The following ANO10 variants were observed in gnomAD, a reference collection of about 807,000 sequenced individuals.
The protein encoded by ANO10 is anoctamin 10, also known as anoctamin-10.
ANO10 carries 77 observed loss-of-function variants against 74.7 expected under a neutral mutation model. That is an observed-to-expected ratio of 1.03 (90% CI 0.86 to 1.25). ANO10 has a LOEUF of 1.25. Ranked by LOEUF, ANO10 falls within the 50% of genes most tolerant of loss-of-function variation. The pLI, the probability that ANO10 is intolerant of heterozygous loss-of-function variation, is 0.00. For missense variants in ANO10, 721 were observed against 778.1 expected, an observed-to-expected ratio of 0.93 and a Z score of 0.87; for synonymous variants, 279 against 284.9, an observed-to-expected ratio of 0.98 and a Z score of 0.21.
rs1260815844 is a variant in ANO10, at chr3:43,399,710, T to C, written c.1915-32736A>G. Among the ~76,000 whole-genome samples the C allele has an allele frequency of 2.0e-5, 3 of 152,304 alleles. No individual in the cohort carries two copies. The East Asian group carries it at 5.8e-4, about 29-fold the overall frequency. ...AGTCAATGTTTGTATTTAGGGCATATGAGCAAGTGGCAGGCAAATTATCTG... is the reference window on the plus strand; with the variant it reads ...AGTCAATGTTTGTATTTAGGGCATACGAGCAAGTGGCAGGCAAATTATCTG... On this transcript the variant is annotated intron_variant, in intron 12 of 12. Coordinates refer to ENST00000292246, the MANE Select transcript of ANO10 (RefSeq NM_018075.5).
At chr3:43,684,255 C>T (rs1179463493) in intron 1 of ANO10, among the ~76,000 whole-genome samples, 2 of 152,112 alleles carry the variant, frequency 1.3e-5, no homozygotes, top group Non-Finnish European at 2.9e-5. Context: ...ACAACCCCAT[C>T]AAAAAGTGGG....
chr3:43,487,200 T>G (rs1474842062), intron 11 of ANO10, among the ~76,000 whole-genome samples: 10 of 151,040 alleles, frequency 6.6e-5, no homozygotes, highest in African/African-American at 1.7e-4. Flanking sequence ...GCTGGATTCG[T>G]TTTGCCAGTA....
intron 12 of ANO10, among the ~76,000 whole-genome samples, chr3:43,415,533 C>G (rs2092724735): frequency 6.7e-6 from 1 of 149,568 alleles, no homozygotes; most frequent in African/African-American, 2.5e-5. Context: ...CTTATTTTTT[C>G]TTTCTTTCTT....
At chr3:43,420,979 T>C (rs989553133) in intron 12 of ANO10, among the ~76,000 whole-genome samples, 1 of 152,206 alleles carries the variant, frequency 6.6e-6, no homozygotes, top group East Asian at 1.9e-4. Flanking sequence ...TCCCAGCACT[T>C]TGGGAGGCCA....
intron 11 of ANO10, among the ~76,000 whole-genome samples, chr3:43,440,466 T>A (rs1193347592): frequency 6.6e-6 from 1 of 152,044 alleles, no homozygotes; most frequent in African/African-American, 2.4e-5. Flanking sequence ...AATGAGGATA[T>A]TATGTAAAAA....
chr3:43,625,442 C>T (rs2083482769), upstream of ANO10, among the ~76,000 whole-genome samples: 1 of 152,224 alleles, frequency 6.6e-6, no homozygotes, highest in African/African-American at 2.4e-5. Flanking sequence ...ATTTACTTTT[C>T]AGAGTCCTTG....
chr3:43,647,160 T>TGTGTG (rs1339152351), intron 1 of ANO10, among the ~76,000 whole-genome samples: 1 of 147,734 alleles, frequency 6.8e-6, no homozygotes, highest in Non-Finnish European at 1.5e-5. Context: ...TATATGTGTG[T>TGTGTG]GTGTGTGTGT....
chr3:43,611,105 T>C (rs545102813), intron 1 of ANO10, among the ~76,000 whole-genome samples: 13 of 152,302 alleles, frequency 8.5e-5, no homozygotes, highest in South Asian at 2.1e-4. Flanking sequence ...TTCCACACAG[T>C]TGGAGTTAGG....
chr3:43,388,090 T>C (rs2092175912), intron 12 of ANO10, among the ~76,000 whole-genome samples: 1 of 152,188 alleles, frequency 6.6e-6, no homozygotes, highest in African/African-American at 2.4e-5. Context: ...ATGTGCACTC[T>C]AGGTTTTTGA....
intron 11 of ANO10, among the ~76,000 whole-genome samples, chr3:43,489,476 T>A (rs1427498898): frequency 6.6e-6 from 1 of 152,116 alleles, no homozygotes; most frequent in Non-Finnish European, 1.5e-5. Context: ...GTTAAATAAA[T>A]CCGCCTTTTC....
chr3:43,477,570 G>A (rs1053775591), intron 11 of ANO10, among the ~76,000 whole-genome samples: 5 of 152,154 alleles, frequency 3.3e-5, no homozygotes, highest in African/African-American at 1.2e-4. Context: ...AACAATCTGA[G>A]CACAGATCTA....
intron 1 of ANO10, among the ~76,000 whole-genome samples, chr3:43,643,494 G>T (rs540419662): frequency 6.6e-6 from 1 of 151,744 alleles, no homozygotes; most frequent in Non-Finnish European, 1.5e-5. Context: ...GGATCCAGAA[G>T]AATTCTAATT....
chr3:43,523,340 A>C (rs1344776751), intron 11 of ANO10, among the ~76,000 whole-genome samples: 1 of 152,138 alleles, frequency 6.6e-6, no homozygotes, highest in African/African-American at 2.4e-5. Flanking sequence ...ACTACACTAA[A>C]ATCTGGGCTT....
intron 11 of ANO10, among the ~76,000 whole-genome samples, chr3:43,466,378 A>G (rs1186113516): frequency 2.2e-5 from 2 of 90,702 alleles, no homozygotes; most frequent in Admixed American, 2.5e-4. Context: ...TCAAAAAAAA[A>G]AAAAAAAAAC....
chr3:43,461,548 C>A (rs137937045), intron 11 of ANO10, among the ~76,000 whole-genome samples: 4 of 152,238 alleles, frequency 2.6e-5, no homozygotes, highest in African/African-American at 9.6e-5. Context: ...CAAGTCATCC[C>A]TGTGGTGTTC....
chr3:43,552,697 GATATATATATATATATATAT>G (rs57438732), intron 10 of ANO10, among the ~76,000 whole-genome samples: 1,350 of 124,492 alleles, frequency 0.011, 41 homozygotes, highest in African/African-American at 0.038. Flanking sequence ...ATTATCTCTG[GATATATATATATATATATAT>G]ATATATATAT....
At chr3:43,645,957 A>G (rs936596679) in intron 1 of ANO10, among the ~76,000 whole-genome samples, 1 of 152,082 alleles carries the variant, frequency 6.6e-6, no homozygotes, top group African/African-American at 2.4e-5. Flanking sequence ...GCAGGCACGC[A>G]CCACCACACC....
At chr3:43,628,717 C>G (rs1176270374) in intron 1 of ANO10, among the ~76,000 whole-genome samples, 1 of 152,082 alleles carries the variant, frequency 6.6e-6, no homozygotes, top group Non-Finnish European at 1.5e-5. Flanking sequence ...AGATGGCCCC[C>G]CCGGGTGTGG....
At chr3:43,563,912 G>A (rs1479719265) in intron 8 of ANO10, among the ~76,000 whole-genome samples, 2 of 152,134 alleles carry the variant, frequency 1.3e-5, no homozygotes, top group Admixed American at 6.5e-5. Context: ...TACAATTAGA[G>A]AGAAGAAATA....
Sources: allele counts gnomAD v4.1 joint callset (sites outside exome capture counted in the v4.1 genomes callset), GRCh38; gene constraint gnomAD v4.1.1; transcripts MANE v1.5; gene names NCBI Gene and HGNC (gene_info 2026-07-23, HGNC 2026-07-21).